RIMS2: variants seen among roughly 807,000 people sequenced by gnomAD.
RIMS2 encodes the protein regulating synaptic membrane exocytosis 2, also known as regulating synaptic membrane exocytosis protein 2.
Under a neutral mutation model 174.4 loss-of-function variants are expected in RIMS2, and 59 were observed. The ratio of observed to expected loss-of-function variants is 0.34; its 90% CI spans 0.27 to 0.42. The LOEUF (loss-of-function observed/expected upper bound fraction) is 0.42. Among genes scored for constraint, RIMS2 ranks in the 10% least tolerant of loss-of-function variants. RIMS2 has a pLI of 1.00. For synonymous variants in RIMS2, 606 were observed against 572.5 expected (o/e 1.06, Z -0.84); for missense variants, 1,620 against 1,666.3 (o/e 0.97, Z 0.48).
intron 3 of RIMS2, among the ~76,000 whole-genome samples, chr8:103,798,294 C>T (rs1345651963): frequency 2.6e-5 from 4 of 151,950 alleles, no homozygotes; most frequent in Admixed American, 6.6e-5. Context: ...TAATTGACTA[C>T]TTTTGTACAT....
chr8:103,644,490 TTAA>T (rs2096287808), intron 1 of RIMS2, among the ~76,000 whole-genome samples: 1 of 152,128 alleles, frequency 6.6e-6, no homozygotes, highest in African/African-American at 2.4e-5. Flanking sequence ...GAGTTCACTG[TTAA>T]TAATGTTAGC....
chr8:104,202,534 A>G (rs866594401), intron 19 of RIMS2, among the ~76,000 whole-genome samples: 128 of 152,334 alleles, frequency 8.4e-4, no homozygotes, highest in Middle Eastern at 6.8e-3. Context: ...TAATTTTCTC[A>G]TAGTTCTTGA....
chr8:104,176,293 T>C (rs1034255000), intron 19 of RIMS2, among the ~76,000 whole-genome samples: 1 of 152,142 alleles, frequency 6.6e-6, no homozygotes, highest in African/African-American at 2.4e-5. Context: ...ATAAGTAAGA[T>C]AATTGGTAGA....
intron 19 of RIMS2, among the ~76,000 whole-genome samples, chr8:104,138,550 C>G (rs1209266383): frequency 6.6e-6 from 1 of 152,086 alleles, no homozygotes; most frequent in Admixed American, 6.6e-5. Context: ...TCTCATGTAC[C>G]TGTTTGCCAT....
At chr8:104,044,185 C>T (rs1244568690) in intron 19 of RIMS2, among the ~76,000 whole-genome samples, 8 of 151,414 alleles carry the variant, frequency 5.3e-5, no homozygotes, top group African/African-American at 1.9e-4. Flanking sequence ...TAAGTAAAAG[C>T]AATAGGGTTT....
chr8:103,518,271 G>A (rs1829984979), intron 1 of RIMS2, among the ~76,000 whole-genome samples: 2 of 151,902 alleles, frequency 1.3e-5, no homozygotes, highest in South Asian at 4.2e-4. Flanking sequence ...TAACTCCCAT[G>A]TGTCCAATCT....
intron 3 of RIMS2, among the ~76,000 whole-genome samples, chr8:103,860,102 A>G (rs1219735198): frequency 6.6e-6 from 1 of 152,202 alleles, no homozygotes; most frequent in Non-Finnish European, 1.5e-5. Flanking sequence ...TCTAGATGTC[A>G]TTATGGAATG....
intron 19 of RIMS2, among the ~76,000 whole-genome samples, chr8:104,054,388 A>G (rs914107802): frequency 2.6e-5 from 4 of 152,182 alleles, no homozygotes; most frequent in African/African-American, 9.7e-5. Context: ...TTTAGTGTCC[A>G]AGCATGAGTA....
chr8:103,619,603 T>G (rs1235246263), intron 1 of RIMS2, among the ~76,000 whole-genome samples: 2 of 152,018 alleles, frequency 1.3e-5, no homozygotes, highest in African/African-American at 4.8e-5. Context: ...AGCAGTAAAA[T>G]AAATCAGAAC....
intron 12 of RIMS2, among the ~76,000 whole-genome samples, chr8:103,932,487 T>A (rs1565384909): frequency 6.6e-6 from 1 of 152,226 alleles, no homozygotes; most frequent in Non-Finnish European, 1.5e-5. Context: ...TGCTATATAA[T>A]TTTATCTTAT....
chr8:103,835,391 G>A (rs2098875306), intron 3 of RIMS2, among the ~76,000 whole-genome samples: 2 of 152,036 alleles, frequency 1.3e-5, no homozygotes, highest in Non-Finnish European at 2.9e-5. Flanking sequence ...ATGAGCCACC[G>A]TGCCTGGCCA....
chr8:103,791,388 C>G (rs2098497650), intron 3 of RIMS2, among the ~76,000 whole-genome samples: 4 of 152,134 alleles, frequency 2.6e-5, no homozygotes, highest in Admixed American at 2.6e-4. Context: ...TTTGTCACCA[C>G]CAGGCCTGCC....
In RIMS2 at chr8:103,517,944, AT is replaced by A. The variant is rs752137237; in HGVS notation, c.176+16883del. Among the ~76,000 whole-genome samples, 14 of 151,908 alleles carry A rather than the reference AT, an allele frequency of 9.2e-5. No homozygotes were observed. In the East Asian group the frequency reaches 2.1e-3, roughly 23 times the overall value. On this transcript the variant is annotated intron_variant, in intron 1 of 23. Coordinates refer to ENST00000504942, the Ensembl canonical transcript of RIMS2. ...GCTAAAAAAAAAAAATTGCAAAAAA[AT>A]CTCATCATATTTTAAGGTTTACAAA...
intron 2 of RIMS2, among the ~76,000 whole-genome samples, chr8:103,715,020 T>C (rs1243613000): frequency 6.6e-6 from 1 of 152,168 alleles, no homozygotes; most frequent in Non-Finnish European, 1.5e-5. Context: ...CTAGTAATTA[T>C]GACCTAAAAT....
At chr8:104,251,190 C>A in intron 23 of RIMS2, 27 bp downstream of exon 29, 1 of 1,569,682 alleles carries the variant, frequency 6.4e-7, no homozygotes, top group Non-Finnish European at 8.7e-7. Flanking sequence ...TTATCCCTTA[C>A]CTAAGAAAGT....
chr8:103,933,077 G>A (rs2080335906), intron 12 of RIMS2, among the ~76,000 whole-genome samples: 2 of 152,100 alleles, frequency 1.3e-5, no homozygotes, highest in African/African-American at 4.8e-5. Flanking sequence ...CAGATCACGA[G>A]GTCAGGAGAT....
chr8:104,073,120 GTT>G (rs978970021), intron 19 of RIMS2, among the ~76,000 whole-genome samples: 1 of 151,966 alleles, frequency 6.6e-6, no homozygotes, highest in African/African-American at 2.4e-5. Context: ...GATTTATTAA[GTT>G]TAACAGTGTA....
chr8:104,092,938 T>C (rs1176138038), intron 19 of RIMS2, among the ~76,000 whole-genome samples: 2 of 151,998 alleles, frequency 1.3e-5, no homozygotes, highest in Admixed American at 1.3e-4. Flanking sequence ...GTTTGAACTA[T>C]TGTAAATAAT....
chr8:104,092,832 C>T (rs904283078), intron 19 of RIMS2, among the ~76,000 whole-genome samples: 5 of 151,814 alleles, frequency 3.3e-5, no homozygotes, highest in Admixed American at 6.6e-5. Context: ...AAAGCATTTA[C>T]GATGGTTTTT....
Sources: allele counts gnomAD v4.1 joint callset (sites outside exome capture counted in the v4.1 genomes callset), GRCh38; gene constraint gnomAD v4.1.1; transcripts MANE v1.5; gene names NCBI Gene and HGNC (gene_info 2026-07-23, HGNC 2026-07-21).